Variants in NRXN3 observed in about 807,000 individuals in gnomAD.
NRXN3 encodes neurexin III.
NRXN3 carries 32 observed loss-of-function variants against 137.6 expected under a neutral mutation model. The ratio of observed to expected loss-of-function variants is 0.23; its 90% CI spans 0.18 to 0.31. The LOEUF (loss-of-function observed/expected upper bound fraction) is 0.31. Ranked by LOEUF, NRXN3 falls within the 10% of genes least tolerant of loss-of-function variation. NRXN3 has a pLI of 1.00. For synonymous variants in NRXN3, 798 were observed against 784.5 expected, an observed-to-expected ratio of 1.02 and a Z score of -0.29; for missense variants, 1,574 against 2,062.5, an observed-to-expected ratio of 0.76 and a Z score of 4.59.
chr14:78,516,199 A>C (rs2096203884), intron 4 of NRXN3, among the ~76,000 whole-genome samples: 1 of 151,874 alleles, frequency 6.6e-6, no homozygotes, highest in Non-Finnish European at 1.5e-5. Context: ...AGCTGGGGTT[A>C]AACATGTCAA....
chr14:79,307,123 C>T (rs2086220666), intron 15 of NRXN3, among the ~76,000 whole-genome samples: 1 of 152,102 alleles, frequency 6.6e-6, no homozygotes, highest in African/African-American at 2.4e-5. Context: ...GTTAGCAATG[C>T]ACCAAAGCCT....
At chr14:79,320,826 A>C (rs182468209) in intron 15 of NRXN3, among the ~76,000 whole-genome samples, 3 of 151,912 alleles carry the variant, frequency 2.0e-5, no homozygotes, top group Admixed American at 2.0e-4. Flanking sequence ...CATGACACTG[A>C]CACCATTAGC....
chr14:79,180,403 G>A (rs535309531), intron 15 of NRXN3, among the ~76,000 whole-genome samples: 2 of 152,250 alleles, frequency 1.3e-5, no homozygotes, highest in East Asian at 3.9e-4. Flanking sequence ...ACAAAAACAA[G>A]TATTAGTAGG....
At chr14:78,413,388 C>T (rs370662280) in intron 4 of NRXN3, among the ~76,000 whole-genome samples, 18 of 152,298 alleles carry the variant, frequency 1.2e-4, no homozygotes, top group East Asian at 9.7e-4. Flanking sequence ...TGGGTTCAAG[C>T]GATTCTCCTG....
intron 4 of NRXN3, among the ~76,000 whole-genome samples, chr14:78,393,682 T>C (rs2091068586): frequency 6.6e-6 from 1 of 152,062 alleles, no homozygotes; most frequent in Non-Finnish European, 1.5e-5. Context: ...GAAATTGTGT[T>C]AAATCTGTAT....
At chr14:79,629,833 GT>G (rs2098325969) in intron 16 of NRXN3, among the ~76,000 whole-genome samples, 1 of 73,382 alleles carries the variant, frequency 1.4e-5, no homozygotes, top group Non-Finnish European at 2.4e-5. Flanking sequence ...GTGCGTGTGT[GT>G]GTGTGTGTGC....
At chr14:78,700,896 C>T (rs1004769719) in intron 6 of NRXN3, among the ~76,000 whole-genome samples, 9 of 152,034 alleles carry the variant, frequency 5.9e-5, no homozygotes, top group African/African-American at 1.2e-4. Flanking sequence ...TTCAGCCTCC[C>T]GAGTAGCTGG....
At chr14:78,209,681 G>T (rs1326211190) in intron 1 of NRXN3, among the ~76,000 whole-genome samples, 1 of 152,090 alleles carries the variant, frequency 6.6e-6, no homozygotes, top group African/African-American at 2.4e-5. Context: ...TCATGATCCA[G>T]TCACCTCCCA....
rs537375277 is a variant in NRXN3, at chr14:79,358,876, A to G, written c.3263-108345A>G. Among the ~76,000 whole-genome samples the G allele has an allele frequency of 7.9e-5, 12 of 152,304 alleles. No homozygotes were observed. The East Asian group carries it at 2.3e-3, about 29-fold the overall frequency. ...CATACCCTTAAAGATGTGACTTAAAAGAGAAAAAATTATGTTGTTAATTTC... is the reference window on the plus strand; with the variant it reads ...CATACCCTTAAAGATGTGACTTAAAGGAGAAAAAATTATGTTGTTAATTTC... On this transcript the variant is annotated intron_variant, in intron 15 of 20. Transcript: ENST00000335750.
At chr14:79,714,498 T>C (rs1337855575) in intron 19 of NRXN3, among the ~76,000 whole-genome samples, 2 of 152,190 alleles carry the variant, frequency 1.3e-5, no homozygotes, top group Admixed American at 6.5e-5. Flanking sequence ...AAAAGCACCA[T>C]GCAACCATAT....
intron 20 of NRXN3, chr14:79,853,436 A>C: frequency 5.7e-6 from 2 of 353,326 alleles, no homozygotes. Flanking sequence ...GTTGCAGCTT[A>C]GGGTGTGTGA....
chr14:79,077,142 G>T (rs1442344064), intron 15 of NRXN3, among the ~76,000 whole-genome samples: 3 of 152,166 alleles, frequency 2.0e-5, no homozygotes, highest in African/African-American at 4.8e-5. Flanking sequence ...TACCTTGGTG[G>T]AATTACCTTC....
chr14:79,494,986 G>A (rs2096752700), intron 16 of NRXN3, among the ~76,000 whole-genome samples: 1 of 152,156 alleles, frequency 6.6e-6, no homozygotes, highest in Non-Finnish European at 1.5e-5. Flanking sequence ...ATATTTGTCA[G>A]ATCAATACCG....
chr14:79,493,083 C>T (rs909206056), intron 16 of NRXN3, among the ~76,000 whole-genome samples: 1 of 152,122 alleles, frequency 6.6e-6, no homozygotes, highest in Admixed American at 6.5e-5. Context: ...CATGAGGAAT[C>T]GACATTAATT....
At chr14:78,982,388 G>T (rs865896588) in intron 14 of NRXN3, among the ~76,000 whole-genome samples, 1 of 152,080 alleles carries the variant, frequency 6.6e-6, no homozygotes, top group African/African-American at 2.4e-5. Context: ...AGAGGCTTAC[G>T]GTCCAGTAGG....
intron 18 of NRXN3, among the ~76,000 whole-genome samples, chr14:79,696,859 T>G (rs1454986694): frequency 6.6e-6 from 1 of 151,952 alleles, no homozygotes; most frequent in Non-Finnish European, 1.5e-5. Context: ...TTATTAAATC[T>G]GAAGGACAAC....
chr14:79,098,705 A>C (rs11846325), intron 15 of NRXN3, among the ~76,000 whole-genome samples: 2 of 152,170 alleles, frequency 1.3e-5, no homozygotes, highest in Non-Finnish European at 2.9e-5. Flanking sequence ...GGATGCCACA[A>C]TGGTGCCTGC....
intron 15 of NRXN3, among the ~76,000 whole-genome samples, chr14:79,198,914 T>C (rs78562454): frequency 0.036 from 5,408 of 152,214 alleles, 227 homozygotes; most frequent in East Asian, 0.21. Flanking sequence ...ACGCCTGTAA[T>C]CCAGCACTTT....
intron 16 of NRXN3, among the ~76,000 whole-genome samples, chr14:79,483,079 G>A (rs528829394): frequency 1.3e-5 from 2 of 152,298 alleles, no homozygotes; most frequent in South Asian, 4.1e-4. Flanking sequence ...AGCTCTAGGG[G>A]AAAACTATAG....
Sources: gnomAD v4.1 joint callset for allele counts (sites outside exome capture counted in the v4.1 genomes callset) on GRCh38, gnomAD v4.1.1 for gene constraint, MANE v1.5 for transcripts, NCBI Gene and HGNC (gene_info 2026-07-23, HGNC 2026-07-21) for gene names.